CFAP206: variants seen among roughly 807,000 people sequenced by gnomAD.
The protein encoded by CFAP206 is cilia- and flagella-associated protein 206.
Under a neutral mutation model 65.4 loss-of-function variants are expected in CFAP206, and 53 were observed. That is an observed-to-expected ratio of 0.81 (90% CI 0.65 to 1.02). The LOEUF is 1.02. CFAP206 is among the 50% of genes least tolerant of loss of function. CFAP206 has a pLI of 0.00. For missense variants in CFAP206, 663 were observed against 753.2 expected, an observed-to-expected ratio of 0.88 and a Z score of 1.40; for synonymous variants, 250 against 254.4, an observed-to-expected ratio of 0.98 and a Z score of 0.17.
At chr6:87,431,243 A>G in intron 10 of CFAP206, 70 bp downstream of exon 10, 1 of 1,397,682 alleles carries the variant, frequency 7.2e-7, no homozygotes, top group South Asian at 1.3e-5. Flanking sequence ...TGTCATTGTC[A>G]CTTGAATATT....
intron 10 of CFAP206, among the ~76,000 whole-genome samples, chr6:87,432,173 C>G (rs888243711): frequency 6.6e-6 from 1 of 151,846 alleles, no homozygotes; most frequent in African/African-American, 2.4e-5. Flanking sequence ...TTCTTTATTT[C>G]TTTTGTTATG....
intron 11 of CFAP206, among the ~76,000 whole-genome samples, chr6:87,448,522 TCTC>T (rs1352337081): frequency 1.3e-5 from 2 of 152,240 alleles, no homozygotes; most frequent in African/African-American, 4.8e-5. Flanking sequence ...TTCAGAATCC[TCTC>T]CTCTGGCTAT....
intron 7 of CFAP206, among the ~76,000 whole-genome samples, chr6:87,420,099 A>T (rs1000786733): frequency 6.6e-6 from 1 of 152,132 alleles, no homozygotes; most frequent in Non-Finnish European, 1.5e-5. Context: ...ATAAATAAAT[A>T]ATAATAAAAA....
At position 87,461,103 on chromosome 6, in the gene CFAP206, C is replaced by A; in HGVS notation, c.1576C>A (p.Pro526Thr). 1 of 1,591,212 alleles carries A rather than the reference C, an allele frequency of 6.3e-7. No individual in the cohort carries two copies. The highest frequency in any genetic ancestry group is 8.5e-7 in the Non-Finnish European group (1 of 1,172,130). The change falls in exon 12 of 13, where the codon CCA (proline) becomes ACA (threonine). Residue 526 changes from proline (P) to threonine (T), a missense_variant. By Grantham distance (38) the Pro-to-Thr change is conservative (BLOSUM62 -1). Transcript: ENST00000369562. ...ACAGACGAATACACACATACTGCCA[C>A]CAACGATTGTGAGATCATATGAGTG... ...STQTNTHILP[P>T]TIVRSYEWNE...
At position 87,426,777 on chromosome 6, in the gene CFAP206, T is replaced by G. The variant is rs372103148; in HGVS notation, c.960+132T>G. 4 of 747,932 alleles carry G rather than the reference T, an allele frequency of 5.3e-6. No individual in the cohort carries two copies. In the East Asian group the frequency reaches 1.2e-4, roughly 23 times the overall value. The allele number at this position is 747,932 out of a possible 1,614,324, so 46.3% of individuals were successfully genotyped here. On this transcript the variant is annotated intron_variant, in intron 8 of 12. Coordinates refer to ENST00000369562, the MANE Select transcript of CFAP206 (RefSeq NM_001031743.3). Reference sequence around the variant, plus strand: ...TTTTGTATAAATTGATCCTGTTCTTTATGGTTACTTTGCCGTAATAGTGTG... The same window carrying G: ...TTTTGTATAAATTGATCCTGTTCTTGATGGTTACTTTGCCGTAATAGTGTG...
At chr6:87,447,092 G>C (rs1400146635) in intron 11 of CFAP206, among the ~76,000 whole-genome samples, 2 of 152,026 alleles carry the variant, frequency 1.3e-5, no homozygotes, top group Non-Finnish European at 2.9e-5. Flanking sequence ...AGAAGCTTTT[G>C]GGCTAAGACA....
At chr6:87,428,989 C>T (rs905788141) in intron 9 of CFAP206, among the ~76,000 whole-genome samples, 165 bp downstream of exon 9, 4 of 152,074 alleles carry the variant, frequency 2.6e-5, no homozygotes, top group Middle Eastern at 3.2e-3. Context: ...GCCTGTAATC[C>T]CAGCACTTTG....
chr6:87,453,586 C>T (rs1268528113), intron 11 of CFAP206, among the ~76,000 whole-genome samples: 1 of 152,054 alleles, frequency 6.6e-6, no homozygotes, highest in Non-Finnish European at 1.5e-5. Flanking sequence ...GCGGCAGTGG[C>T]TGGCTGGGGG....
chr6:87,423,318 C>G (rs1467764171), intron 7 of CFAP206, among the ~76,000 whole-genome samples: 4 of 151,152 alleles, frequency 2.6e-5, no homozygotes, highest in Non-Finnish European at 4.4e-5. Flanking sequence ...GCGTGATCTC[C>G]GCTCACTGCA....
chr6:87,420,607 T>G (rs115337978), intron 7 of CFAP206, among the ~76,000 whole-genome samples: 2,606 of 152,336 alleles, frequency 0.017, 75 homozygotes, highest in African/African-American at 0.06. Flanking sequence ...GTCTTCACCA[T>G]GTAAATAAGG....
intron 7 of CFAP206, among the ~76,000 whole-genome samples, chr6:87,419,767 A>C (rs913284770): frequency 1.3e-5 from 2 of 152,102 alleles, no homozygotes; most frequent in African/African-American, 2.4e-5. Context: ...TGATGACATG[A>C]CTTCATTCAA....
chr6:87,456,622 G>T (rs1025232713), intron 11 of CFAP206, among the ~76,000 whole-genome samples: 1 of 152,082 alleles, frequency 6.6e-6, no homozygotes, highest in Non-Finnish European at 1.5e-5. Flanking sequence ...AAAATCTTAA[G>T]ACTCCACCAA....
intron 4 of CFAP206, among the ~76,000 whole-genome samples, chr6:87,414,737 A>G (rs1767794832): frequency 6.6e-6 from 1 of 152,098 alleles, no homozygotes; most frequent in South Asian, 2.1e-4. Context: ...CTCTACCTCT[A>G]CTGTATAGTA....
chr6:87,445,901 CA>C (rs1376326864), intron 11 of CFAP206, among the ~76,000 whole-genome samples: 2 of 152,188 alleles, frequency 1.3e-5, no homozygotes, highest in African/African-American at 4.8e-5. Flanking sequence ...GCCATTCTGA[CA>C]GGCATGAGAT....
chr6:87,421,756 G>A (rs753445271), intron 7 of CFAP206, among the ~76,000 whole-genome samples: 5 of 152,152 alleles, frequency 3.3e-5, no homozygotes, highest in Non-Finnish European at 5.9e-5. Flanking sequence ...AAACCTGTAA[G>A]TCAAGATTTT....
chr6:87,442,873 C>T (rs938432807), intron 11 of CFAP206, among the ~76,000 whole-genome samples: 1 of 152,056 alleles, frequency 6.6e-6, no homozygotes, highest in African/African-American at 2.4e-5. Context: ...TTCTTGAATT[C>T]AGCTTTTTAA....
chr6:87,445,513 A>G (rs1768427812), intron 11 of CFAP206, among the ~76,000 whole-genome samples: 2 of 152,056 alleles, frequency 1.3e-5, no homozygotes, highest in African/African-American at 2.4e-5. Context: ...AGCCCCATCC[A>G]TGTCCCCGCA....
At chr6:87,435,690 C>T (rs1768252894) in intron 11 of CFAP206, 1 of 152,320 alleles carries the variant, frequency 6.6e-6, no homozygotes, top group Non-Finnish European at 1.5e-5. Flanking sequence ...GGCAAGGTCT[C>T]ACTCTGTCAC....
chr6:87,430,199 A>G (rs1647874216), intron 9 of CFAP206, among the ~76,000 whole-genome samples: 1 of 152,178 alleles, frequency 6.6e-6, no homozygotes, highest in Non-Finnish European at 1.5e-5. Context: ...AAAAAGAGAG[A>G]GGATTTATTT....
Sources: gnomAD v4.1 joint callset for allele counts (sites outside exome capture counted in the v4.1 genomes callset) on GRCh38, gnomAD v4.1.1 for gene constraint, MANE v1.5 for transcripts, NCBI Gene and HGNC (gene_info 2026-07-23, HGNC 2026-07-21) for gene names.